Variants in BAIAP2L1 observed in about 807,000 individuals in gnomAD.
BAIAP2L1 encodes the protein BAR/IMD domain-containing adapter protein 2-like 1.
BAIAP2L1 carries 35 observed loss-of-function variants against 66.3 expected under a neutral mutation model. The ratio of observed to expected loss-of-function variants is 0.53; its 90% CI spans 0.40 to 0.70. BAIAP2L1 has a LOEUF of 0.70. BAIAP2L1 is among the 30% of genes least tolerant of loss of function. BAIAP2L1 has a pLI of 0.00. For missense variants in BAIAP2L1, 622 were observed against 656.9 expected, an observed-to-expected ratio of 0.95 and a Z score of 0.58; for synonymous variants, 269 against 248.7, an observed-to-expected ratio of 1.08 and a Z score of -0.77.
intron 3 of BAIAP2L1, among the ~76,000 whole-genome samples, chr7:98,348,803 G>A (rs1055065475): frequency 4.6e-5 from 7 of 152,178 alleles, no homozygotes. Context: ...TCACCTCCAT[G>A]GTGAGTAAAT....
intron 6 of BAIAP2L1, among the ~76,000 whole-genome samples, chr7:98,316,867 CTT>C (rs572099095): frequency 2.7e-5 from 4 of 145,506 alleles, no homozygotes; most frequent in Non-Finnish European, 3.0e-5. Flanking sequence ...AACTTCAAAA[CTT>C]TTTTTTTTTT....
intron 3 of BAIAP2L1, among the ~76,000 whole-genome samples, chr7:98,342,336 A>G (rs763689502): frequency 2.8e-4 from 42 of 152,118 alleles, no homozygotes; most frequent in Non-Finnish European, 5.6e-4. Context: ...GGTGTGAGCC[A>G]CTGCACCCAG....
chr7:98,297,780 C>T (rs917390183), intron 12 of BAIAP2L1, among the ~76,000 whole-genome samples: 9 of 152,144 alleles, frequency 5.9e-5, no homozygotes, highest in African/African-American at 1.2e-4. Flanking sequence ...AGGCCTGCAC[C>T]GGGGGCACTG....
chr7:98,379,237 G>C (rs1443396684), intron 1 of BAIAP2L1, among the ~76,000 whole-genome samples: 1 of 152,086 alleles, frequency 6.6e-6, no homozygotes. Flanking sequence ...ACACTGCCTG[G>C]ATCATCTGAT....
At chr7:98,400,000 G>A (rs1321651474) in intron 1 of BAIAP2L1, 1 of 151,976 alleles carries the variant, frequency 6.6e-6, no homozygotes, top group Non-Finnish European at 1.5e-5. Flanking sequence ...CTAATTACAG[G>A]GGAGTTTCAC....
chr7:98,316,311 C>T (rs1397907317), intron 6 of BAIAP2L1, among the ~76,000 whole-genome samples: 1 of 152,016 alleles, frequency 6.6e-6, no homozygotes, highest in African/African-American at 2.4e-5. Context: ...TATGTCTTTA[C>T]CAGCAGCATG....
At chr7:98,317,897 C>T (rs1468000970) in intron 5 of BAIAP2L1, among the ~76,000 whole-genome samples, 1 of 148,690 alleles carries the variant, frequency 6.7e-6, no homozygotes. Context: ...CATCTGCATG[C>T]TGGCTGGGAC....
At chr7:98,294,482 C>G (rs1030170585) in intron 12 of BAIAP2L1, among the ~76,000 whole-genome samples, 3 of 152,228 alleles carry the variant, frequency 2.0e-5, no homozygotes, top group African/African-American at 7.2e-5. Context: ...ATGGCACTGC[C>G]TGCGCGGGTC....
Position 98,293,050 on chromosome 7 carries a change from C to A in BAIAP2L1, c.*471G>T. The A allele has an allele frequency of 1.2e-6, 1 of 865,980 alleles. No homozygotes were observed. 53.6% of individuals were successfully genotyped at this position (865,980 alleles called of 1,614,324 possible). ...TATAGTATTTTCATAATTTATATTG[C>A]TTAAAATTATGATTTGCATGCTAAG... On this transcript the variant is annotated 3_prime_UTR_variant, in exon 14 of 14. Coordinates refer to ENST00000005260, the MANE Select transcript of BAIAP2L1 (RefSeq NM_018842.5).
intron 3 of BAIAP2L1, among the ~76,000 whole-genome samples, chr7:98,354,252 C>T (rs1584479517): frequency 6.6e-6 from 1 of 151,978 alleles, no homozygotes; most frequent in African/African-American, 2.4e-5. Context: ...CCAACCCCAT[C>T]GAGAAACCAT....
chr7:98,335,752 C>T (rs940857293), intron 3 of BAIAP2L1, among the ~76,000 whole-genome samples: 1 of 152,224 alleles, frequency 6.6e-6, no homozygotes, highest in East Asian at 1.9e-4. Flanking sequence ...TGGGACTCCT[C>T]TCCGGCAGAT....
chr7:98,321,591 A>G (rs1469953950), intron 3 of BAIAP2L1, among the ~76,000 whole-genome samples: 1 of 152,144 alleles, frequency 6.6e-6, no homozygotes, highest in Non-Finnish European at 1.5e-5. Context: ...GCTCTCTGCC[A>G]CCTTTCTACA....
intron 1 of BAIAP2L1, among the ~76,000 whole-genome samples, chr7:98,374,992 G>C (rs1349731529): frequency 6.6e-6 from 1 of 151,934 alleles, no homozygotes; most frequent in Non-Finnish European, 1.5e-5. Context: ...GAGGCTGAGG[G>C]AGGAGAAGTG....
At position 98,335,014 on chromosome 7, in the gene BAIAP2L1, G is replaced by A. The variant is rs527991564; in HGVS notation, c.215-14716C>T. Among the ~76,000 whole-genome samples, 20 of 150,490 alleles carry A rather than the reference G, an allele frequency of 1.3e-4. No homozygotes were observed. In the East Asian group the frequency reaches 1.4e-3, roughly 11 times the overall value. Reference sequence around the variant, plus strand: ...TAAAAATACAAAAAAGTAGCCGGGCGTGGTGGCGGGTGCCTGTAGTCTCAG... The same window carrying A: ...TAAAAATACAAAAAAGTAGCCGGGCATGGTGGCGGGTGCCTGTAGTCTCAG... On this transcript the variant is annotated intron_variant, in intron 3 of 13. Coordinates refer to ENST00000005260, the MANE Select transcript of BAIAP2L1 (RefSeq NM_018842.5).
At chr7:98,385,619 G>T (rs1562793117) in intron 1 of BAIAP2L1, among the ~76,000 whole-genome samples, 1 of 151,808 alleles carries the variant, frequency 6.6e-6, no homozygotes, top group Non-Finnish European at 1.5e-5. Context: ...TCACTATGTT[G>T]TCCAGGCTGG....
intron 2 of BAIAP2L1, 52 bp downstream of exon 2, chr7:98,362,305 A>G: frequency 7.5e-7 from 1 of 1,341,826 alleles, no homozygotes; most frequent in African/African-American, 1.5e-5. Context: ...AAAAATAATT[A>G]CATATTTACT....
At chr7:98,308,671 T>A (rs573240455) in intron 9 of BAIAP2L1, 93 of 230,716 alleles carry the variant, frequency 4.0e-4, no homozygotes, top group Middle Eastern at 1.7e-3. Flanking sequence ...GAAAAAAATA[T>A]ATATATATGT....
Position 98,315,615 on chromosome 7 carries a change from A to G in BAIAP2L1, c.487-3T>C, listed in dbSNP as rs1801045404. The G allele has an allele frequency of 4.6e-6, 3 of 646,984 alleles. No individual in the cohort carries two copies. In the Admixed American group the frequency reaches 1.5e-4, roughly 33 times the overall value. 40.1% of individuals were successfully genotyped at this position (646,984 alleles called of 1,614,324 possible). On this transcript the variant is annotated splice_region_variant and splice_polypyrimidine_tract_variant and intron_variant, in intron 6 of 13. Transcript: ENST00000005260. ...CGAGAAGTAACGGTCTCCACATACT[A>G]AAAAAAAAAAAATAATAATAATAAT...
rs776267433 is a variant in BAIAP2L1 at position 98,306,495 on chromosome 7, C to T, written c.1185G>A (p.Ser395=). The T allele has an allele frequency of 6.2e-6, 10 of 1,614,074 alleles. No homozygotes were observed. In the Admixed American group the frequency reaches 1.0e-4, roughly 16 times the overall value. Residue 395 remains serine (S), a synonymous_variant, in exon 11 of 14, where the codon TCG becomes TCA. Transcript: ENST00000005260. ...CATTTTCTTCCAGCAACTTCGTGTA[C>T]GACGACGGGAACCAACCCCTCCTAC... ...VSKARGWFPS[S]YTKLLEENET...
Sources: allele counts gnomAD v4.1 joint callset (sites outside exome capture counted in the v4.1 genomes callset), GRCh38; gene constraint gnomAD v4.1.1; transcripts MANE v1.5; gene names NCBI Gene and HGNC (gene_info 2026-07-23, HGNC 2026-07-21).